Variants in CTDSPL observed in about 807,000 individuals in gnomAD.
The protein encoded by CTDSPL is CTD small phosphatase-like protein.
CTDSPL carries 8 observed loss-of-function variants against 30.5 expected under a neutral mutation model. That is an observed-to-expected ratio of 0.26 (90% CI 0.15 to 0.47). The LOEUF is 0.47. Among genes scored for constraint, CTDSPL ranks in the 20% least tolerant of loss-of-function variants. The pLI, the probability that CTDSPL is intolerant of heterozygous loss-of-function variation, is 0.99. For missense variants in CTDSPL, 248 were observed against 366.1 expected, an observed-to-expected ratio of 0.68 and a Z score of 2.63; for synonymous variants, 110 against 137.9, an observed-to-expected ratio of 0.80 and a Z score of 1.42.
At chr3:37,958,254 G>A (rs7629707) in intron 3 of CTDSPL, among the ~76,000 whole-genome samples, 13,238 of 152,166 alleles carry the variant, frequency 0.087, 637 homozygotes, top group South Asian at 0.14. Flanking sequence ...TGACTAATGC[G>A]TTGCAAGAGT....
intron 3 of CTDSPL, among the ~76,000 whole-genome samples, chr3:37,963,022 A>G (rs1203015958): frequency 6.6e-6 from 1 of 152,230 alleles, no homozygotes; most frequent in Non-Finnish European, 1.5e-5. Context: ...TTTTAAAAAT[A>G]ACCTGCTGAC....
intron 1 of CTDSPL, among the ~76,000 whole-genome samples, chr3:37,866,891 T>A (rs940394845): frequency 6.6e-6 from 1 of 152,250 alleles, no homozygotes; most frequent in African/African-American, 2.4e-5. Flanking sequence ...AACTTTTTTA[T>A]ATTAAACTTT....
intron 4 of CTDSPL, 80 bp from the exon 5 acceptor site, chr3:37,967,746 G>A (rs1699314974): frequency 1.0e-6 from 1 of 997,082 alleles, no homozygotes; most frequent in South Asian, 1.5e-5. Context: ...CATTGGTCTA[G>A]GCAGGCTTTT....
chr3:37,976,028 A>G (rs1699423406), intron 7 of CTDSPL, 134 bp downstream of exon 7: 13 of 950,304 alleles, frequency 1.4e-5, no homozygotes, highest in Non-Finnish European at 1.8e-5. Flanking sequence ...TCTGCCATTT[A>G]GCAGTTGCGT....
At chr3:37,905,043 C>T (rs954246841) in intron 1 of CTDSPL, among the ~76,000 whole-genome samples, 2 of 152,196 alleles carry the variant, frequency 1.3e-5, no homozygotes, top group Non-Finnish European at 2.9e-5. Flanking sequence ...AGTCTTGTTA[C>T]ACTTTGTACT....
intron 2 of CTDSPL, among the ~76,000 whole-genome samples, chr3:37,956,443 T>C (rs755325272): frequency 1.3e-5 from 2 of 152,260 alleles, no homozygotes; most frequent in Non-Finnish European, 2.9e-5. Context: ...AATGCTATAA[T>C]GAAGTGTTTC....
chr3:37,919,349 AAC>A (rs1444461798), intron 1 of CTDSPL, among the ~76,000 whole-genome samples: 1 of 152,162 alleles, frequency 6.6e-6, no homozygotes, highest in Non-Finnish European at 1.5e-5. Flanking sequence ...GAATATTTAG[AAC>A]AGTTTCCAGC....
At chr3:37,877,434 C>T (rs905309048) in intron 1 of CTDSPL, among the ~76,000 whole-genome samples, 9 of 152,190 alleles carry the variant, frequency 5.9e-5, no homozygotes, top group African/African-American at 2.2e-4. Context: ...TTAGAATTAT[C>T]TTCCTTTTTA....
At chr3:37,974,065 C>T (rs189985034) in intron 6 of CTDSPL, among the ~76,000 whole-genome samples, 13 of 152,338 alleles carry the variant, frequency 8.5e-5, no homozygotes, top group Admixed American at 7.8e-4. Context: ...TAAAGCTCAT[C>T]AGCTATTGTT....
intron 1 of CTDSPL, among the ~76,000 whole-genome samples, chr3:37,896,854 G>C (rs1447814684): frequency 1.3e-5 from 2 of 152,122 alleles, no homozygotes; most frequent in African/African-American, 4.8e-5. Context: ...TCAGTTATTC[G>C]TGTGATACTT....
At chr3:37,872,918 G>A (rs1349381356) in intron 1 of CTDSPL, among the ~76,000 whole-genome samples, 3 of 152,096 alleles carry the variant, frequency 2.0e-5, no homozygotes, top group East Asian at 3.9e-4. Flanking sequence ...AAGAGAGTTC[G>A]GCTTCTGTGT....
chr3:37,896,589 T>G (rs1698392993), intron 1 of CTDSPL, among the ~76,000 whole-genome samples: 2 of 152,068 alleles, frequency 1.3e-5, no homozygotes, highest in African/African-American at 4.8e-5. Context: ...CAGGCTGGAG[T>G]GCAGTGGTGT....
chr3:37,888,157 C>T (rs77355048), intron 1 of CTDSPL, among the ~76,000 whole-genome samples: 3,850 of 152,236 alleles, frequency 0.025, 129 homozygotes, highest in South Asian at 0.079. Flanking sequence ...TATAAATGGC[C>T]TGACAGCAGG....
chr3:37,873,872 A>G (rs1355739202), intron 1 of CTDSPL, among the ~76,000 whole-genome samples: 1 of 152,228 alleles, frequency 6.6e-6, no homozygotes, highest in Non-Finnish European at 1.5e-5. Flanking sequence ...CCTTAATGAG[A>G]TGCATTCATA....
At position 37,980,851 on chromosome 3, in the gene CTDSPL, G is replaced by A. The variant is rs1483192641; in HGVS notation, c.815G>A (p.Arg272Lys). ...GACGACGTGTACAGCATGCTGCACA[G>A]ACTCTGCAATAGGTAGCCCTGGCCT... ...REDDVYSMLHRLCNR is the reference protein window; with the variant it reads ...REDDVYSMLHKLCNR The change falls in exon 8 of 8, where the codon AGA becomes AAA. Residue 272 changes from arginine to lysine, a missense_variant. Physicochemically the swap from Arg to Lys is conservative, Grantham distance 26 (BLOSUM62 2). Coordinates refer to ENST00000273179, the MANE Select transcript of CTDSPL (RefSeq NM_001008392.2). 1 of 1,614,108 alleles carries A rather than the reference G, an allele frequency of 6.2e-7. No homozygotes were observed. The highest frequency in any genetic ancestry group is 2.2e-5 in the East Asian group (1 of 44,856).
chr3:37,912,969 T>A (rs1391769775), intron 1 of CTDSPL, among the ~76,000 whole-genome samples: 1 of 152,220 alleles, frequency 6.6e-6, no homozygotes, highest in Non-Finnish European at 1.5e-5. Context: ...ATAAGGAAAC[T>A]GAGGCTCAGA....
rs1559649619 is a variant in CTDSPL at position 37,975,659 on chromosome 3, TG to T, written c.520-44del. On this transcript the variant is annotated intron_variant, in intron 6 of 7. Transcript: ENST00000273179. This position sits in a 1 kb window ranked among gnomAD's most constrained non-coding sequence, Gnocchi z 4.9. ...GATCTTGCTGCTGTAGTTCAGGGTT[TG>T]GGGGGCTCTTTTAAACACCCAGCCT... is the stretch of plus-strand genomic sequence containing the variant. 6.6e-7 allele frequency: 1 copy of T among 1,523,796 alleles called. No homozygotes were observed. 94.4% of individuals were successfully genotyped at this position (1,523,796 alleles called of 1,614,324 possible).
intron 1 of CTDSPL, among the ~76,000 whole-genome samples, chr3:37,881,146 T>C (rs1698199327): frequency 6.6e-6 from 1 of 152,188 alleles, no homozygotes; most frequent in Non-Finnish European, 1.5e-5. Flanking sequence ...TAGGAACTAT[T>C]AGAAATAAAA....
intron 2 of CTDSPL, among the ~76,000 whole-genome samples, chr3:37,956,127 C>T (rs990643339): frequency 6.6e-6 from 1 of 152,170 alleles, no homozygotes; most frequent in East Asian, 1.9e-4. Flanking sequence ...GATACTTGCT[C>T]TTATGCTGCA....
Sources: gnomAD v4.1 joint callset for allele counts (sites outside exome capture counted in the v4.1 genomes callset) on GRCh38, gnomAD v4.1.1 for gene constraint, Gnocchi (gnomAD v3.1) non-coding constraint, MANE v1.5 for transcripts, NCBI Gene and HGNC (gene_info 2026-07-23, HGNC 2026-07-21) for gene names.